Variants in SCN9A observed in about 807,000 individuals in gnomAD.
SCN9A encodes the protein sodium channel protein type 9 subunit alpha.
Under a neutral mutation model 187.0 loss-of-function variants are expected in SCN9A, and 131 were observed. The ratio of observed to expected loss-of-function variants is 0.70; its 90% CI spans 0.61 to 0.81. SCN9A has a LOEUF of 0.81. SCN9A is among the 30% of genes least tolerant of loss of function. The pLI is 0.00. For synonymous variants in SCN9A, 809 were observed against 808.6 expected, an observed-to-expected ratio of 1.00 and a Z score of -0.01; for missense variants, 2,252 against 2,396.6, an observed-to-expected ratio of 0.94 and a Z score of 1.26.
chr2:166,364,221 A>T (rs1574968549), intron 1 of SCN9A, among the ~76,000 whole-genome samples: 1 of 152,214 alleles, frequency 6.6e-6, no homozygotes, highest in East Asian at 1.9e-4. Flanking sequence ...ACCCTTGTGC[A>T]TTGCTGATAG....
Position 166,289,768 on chromosome 2 carries a change from A to G in SCN9A, c.1108-1125T>C, listed in dbSNP as rs80123257. Among the ~76,000 whole-genome samples, 1,205 of 152,244 alleles carry G rather than the reference A, an allele frequency of 7.9e-3. 11 individuals carry two copies. Among genetic ancestry groups the G allele is most frequent in the African/African-American group, 0.027 (1,141 of 41,530 alleles). On this transcript the variant is annotated intron_variant, in intron 9 of 26. Coordinates refer to ENST00000642356, the MANE Select transcript of SCN9A (RefSeq NM_001365536.1). ...AATTTACACTCCTACCAACAGTTTA[A>G]AAGCATTCCTATTTCTCCACATTTT...
chr2:166,354,948 T>C (rs1472308589), intron 1 of SCN9A, among the ~76,000 whole-genome samples: 1 of 143,888 alleles, frequency 6.9e-6, no homozygotes. Flanking sequence ...AAATTACTGA[T>C]TTTTTTTTTT....
chr2:166,208,925 A>G (rs1558949451), intron 24 of SCN9A, among the ~76,000 whole-genome samples: 1 of 152,230 alleles, frequency 6.6e-6, no homozygotes, highest in Non-Finnish European at 1.5e-5. Context: ...TTTCATCAAG[A>G]TACCACTTTC....
chr2:166,355,964 G>T (rs1700143549), intron 1 of SCN9A, among the ~76,000 whole-genome samples: 1 of 151,978 alleles, frequency 6.6e-6, no homozygotes, highest in African/African-American at 2.4e-5. Flanking sequence ...GTAGCGACAG[G>T]GTTTCACCAT....
intron 1 of SCN9A, among the ~76,000 whole-genome samples, chr2:166,344,716 G>A (rs1699861197): frequency 6.6e-6 from 1 of 151,954 alleles, no homozygotes; most frequent in Non-Finnish European, 1.5e-5. Flanking sequence ...CTCTTTTCTG[G>A]AAAGCCACCT....
intron 17 of SCN9A, among the ~76,000 whole-genome samples, chr2:166,269,680 G>A (rs775177708): frequency 1.4e-4 from 22 of 152,002 alleles, no homozygotes; most frequent in Non-Finnish European, 2.2e-4. Context: ...CCTTAAAAAT[G>A]TTGCAACTCA....
chr2:166,338,274 C>T (rs1422510756), intron 1 of SCN9A, among the ~76,000 whole-genome samples: 1 of 152,108 alleles, frequency 6.6e-6, no homozygotes, highest in Non-Finnish European at 1.5e-5. Context: ...GACATGCCCA[C>T]TTACAGGAGT....
Position 166,238,261 on chromosome 2 carries a change from C to T in SCN9A, c.3634G>A (p.Glu1212Lys). ...TTTTTCCTTTCAATATAAATATCTT[C>T]AAAAGCCTGTGGAAATAATATTCAA... ...ILLSSGALAFEDIYIERKKTI... is the reference protein window; with the variant it reads ...ILLSSGALAFKDIYIERKKTI... The change falls in exon 20 of 27, where the codon GAA becomes AAA. Residue 1212 changes from glutamate to lysine, a missense_variant. By Grantham distance (56) the Glu-to-Lys change is moderately conservative (BLOSUM62 1). Transcript: ENST00000642356. The T allele has an allele frequency of 6.4e-7, 1 of 1,553,022 alleles. No individual in the cohort carries two copies. Among genetic ancestry groups the T allele is most frequent in the Non-Finnish European group, 8.7e-7 (1 of 1,150,516 alleles).
At chr2:166,231,413 T>A (rs1695078002) in intron 21 of SCN9A, among the ~76,000 whole-genome samples, 1 of 152,136 alleles carries the variant, frequency 6.6e-6, no homozygotes, top group South Asian at 2.1e-4. Flanking sequence ...ATAATTAGGT[T>A]TGTAGGGATA....
chr2:166,276,874 T>C (rs1697256913), intron 16 of SCN9A, 109 bp downstream of exon 16: 2 of 844,832 alleles, frequency 2.4e-6, no homozygotes, highest in Admixed American at 3.8e-5. Flanking sequence ...TCTTTTGCAA[T>C]TAATAATTGT....
chr2:166,370,879 T>C (rs938962463), intron 1 of SCN9A, among the ~76,000 whole-genome samples: 24 of 152,014 alleles, frequency 1.6e-4, no homozygotes, highest in African/African-American at 5.8e-4. Flanking sequence ...ATTGTAAATG[T>C]ACACACTCTT....
Position 166,208,437 on chromosome 2 carries a change from T to C in SCN9A, c.4399-3973A>G, listed in dbSNP as rs537739539. On this transcript the variant is annotated intron_variant, in intron 24 of 26. Transcript: ENST00000642356. The stretch of plus-strand genomic sequence containing the variant: ...TAAGTCTTCATTAAATTTTAGTTAC[T>C]ATTACTGTTGGTGCTATTAAACTTC... Among the ~76,000 whole-genome samples the C allele has an allele frequency of 2.6e-5, 4 of 152,320 alleles. No individual in the cohort carries two copies. In the South Asian group the frequency reaches 8.3e-4, roughly 32 times the overall value.
intron 19 of SCN9A, 79 bp from the exon 20 acceptor site, chr2:166,238,346 A>G (rs1695413699): frequency 1.1e-6 from 1 of 945,404 alleles, no homozygotes. Context: ...GAAAAATACA[A>G]TTCTAATGCT....
chr2:166,221,612 G>C (rs2106375326), intron 24 of SCN9A, among the ~76,000 whole-genome samples: 1 of 152,162 alleles, frequency 6.6e-6, no homozygotes, highest in South Asian at 2.1e-4. Flanking sequence ...TGCCCAGGCT[G>C]GTCTCAAACT....
chr2:166,296,353 ACAT>A (rs1029356860), intron 7 of SCN9A, among the ~76,000 whole-genome samples: 1 of 152,210 alleles, frequency 6.6e-6, no homozygotes, highest in Non-Finnish European at 1.5e-5. Context: ...ATTGAATTAC[ACAT>A]CATCATTTTA....
At chr2:166,266,514 T>C (rs1297071270) in intron 17 of SCN9A, among the ~76,000 whole-genome samples, 1 of 151,878 alleles carries the variant, frequency 6.6e-6, no homozygotes, top group African/African-American at 2.4e-5. Flanking sequence ...AGCTTTGTTC[T>C]TTTTGTTCCA....
chr2:166,339,516 C>G (rs1424817794), intron 1 of SCN9A, among the ~76,000 whole-genome samples: 1 of 152,072 alleles, frequency 6.6e-6, no homozygotes, highest in Non-Finnish European at 1.5e-5. Flanking sequence ...TGTAATGAGT[C>G]CCTATGTCCT....
intron 1 of SCN9A, among the ~76,000 whole-genome samples, chr2:166,361,657 A>G (rs1700289319): frequency 1.3e-5 from 2 of 152,180 alleles, no homozygotes; most frequent in Non-Finnish European, 2.9e-5. Context: ...TAATAAAATG[A>G]TCGAAAGTAA....
Position 166,251,770 on chromosome 2 carries a change from G to A in SCN9A, c.3467C>T (p.Thr1156Ile), listed in dbSNP as rs765515813. The A allele has an allele frequency of 1.2e-5, 20 of 1,612,430 alleles. No homozygotes were observed. In the Admixed American group the frequency reaches 3.2e-4, roughly 26 times the overall value. Reference protein sequence around the residue: ...MNSDEPEACFTDGCVWRFSCC... With the variant: ...MNSDEPEACFIDGCVWRFSCC... ...GGTCTCAATTTTTGTCTTACCATCT[G>A]TGAAACAGGCCTCTGGCTCATCGGA... Residue 1156 changes from threonine to isoleucine, a missense_variant, in exon 18 of 27, where the codon ACA (threonine) becomes ATA (isoleucine). By Grantham distance (89) the Thr-to-Ile change is moderately conservative (BLOSUM62 -1). This residue lies in a region of SCN9A where 313 missense variants were observed against 295.3 expected (regional missense o/e 1.06). Transcript: ENST00000642356.
Sources: gnomAD v4.1 joint callset for allele counts (sites outside exome capture counted in the v4.1 genomes callset) on GRCh38, gnomAD v4.1.1 for gene constraint, gnomAD v4.1.1 regional missense constraint, MANE v1.5 for transcripts, NCBI Gene and HGNC (gene_info 2026-07-23, HGNC 2026-07-21) for gene names.